Variants in LGI2 observed in about 807,000 individuals in gnomAD.
LGI2 encodes leucine rich repeat LGI family member 2.
A neutral mutation model predicts 52.0 loss-of-function variants in LGI2; 30 were observed. The ratio of observed to expected loss-of-function variants is 0.58; its 90% confidence interval spans 0.43 to 0.78. LGI2 has a LOEUF of 0.78. Among genes scored for constraint, LGI2 ranks in the 30% least tolerant of loss-of-function variants. The pLI is 0.00. For missense variants in LGI2, 573 were observed against 692.5 expected, an observed-to-expected ratio of 0.83 and a Z score of 1.94; for synonymous variants, 270 against 271.8, an observed-to-expected ratio of 0.99 and a Z score of 0.06.
At position 25,017,450 on chromosome 4, in the gene LGI2, G is replaced by C. The variant is rs138593636; in HGVS notation, c.655+539C>G. On this transcript the variant is annotated intron_variant, in intron 6 of 7. Coordinates refer to ENST00000382114, the MANE Select transcript of LGI2 (RefSeq NM_018176.4). ...TCAGCTGCTCAGGAGGCTGAGGCAG[G>C]AGAATCGCTTGAACCCAGGAGGTGG... 2.0e-5 allele frequency among the ~76,000 whole-genome samples: 3 copies of C among 148,478 alleles called. No individual in the cohort carries two copies. The Admixed American group carries it at 2.1e-4, about 10-fold the overall frequency.
Position 25,024,909 on chromosome 4 carries a change from A to G in LGI2, c.342-18T>C, listed in dbSNP as rs1560294858. The G allele has an allele frequency of 1.3e-6, 2 of 1,544,292 alleles. No homozygotes were observed. On this transcript the variant is annotated intron_variant, in intron 3 of 7. Transcript: ENST00000382114. ...CAATGAACCTAAGAGGAAAAGTTGT[A>G]TAATTAAAATGAATTTTCTCTCCTT...
At chr4:25,030,405 G>T in intron 1 of LGI2, 92 bp downstream of exon 1, 3 of 1,389,734 alleles carry the variant, frequency 2.2e-6, no homozygotes, top group Non-Finnish European at 3.0e-6. Flanking sequence ...GTGGGTCAGG[G>T]TCGCGCTGGC....
At position 25,004,080 on chromosome 4, in the gene LGI2, C is replaced by T. The variant is rs758145025; in HGVS notation, c.1009G>A (p.Glu337Lys). 5.0e-6 allele frequency: 8 copies of T among 1,614,026 alleles called. No individual in the cohort carries two copies. The highest frequency in any genetic ancestry group is 1.7e-5 in the Admixed American group (1 of 60,002). Residue 337 changes from glutamate (E) to lysine (K), a missense_variant, in exon 8 of 8, where the codon GAG (glutamate) becomes AAG (lysine). By Grantham distance (56) the Glu-to-Lys change is moderately conservative. Transcript: ENST00000382114. The surrounding 1 kb of genome is among the most constrained non-coding windows in gnomAD (Gnocchi z 4.6). ...NDIELFQIDD[E>K]TFFVIADSSK... is the part of the protein sequence containing the mutation. ...CTGTCTGCGATGACAAAGAACGTCTCGTCGTCGATCTGAAACAGCTCGATG... is the reference window on the plus strand; with the variant it reads ...CTGTCTGCGATGACAAAGAACGTCTTGTCGTCGATCTGAAACAGCTCGATG...
Position 24,999,960 on chromosome 4 carries a change from A to G in LGI2, c.*3491T>C, listed in dbSNP as rs1014348953. ...GTGTCTCAACCTCAACATCCTCCCC[A>G]TAGCTATGCAGGGGGAGAAACAACC... On this transcript the variant is annotated 3_prime_UTR_variant, in exon 8 of 8. Coordinates refer to ENST00000382114, the MANE Select transcript of LGI2 (RefSeq NM_018176.4). The G allele has an allele frequency of 5.0e-5, 21 of 422,072 alleles. No homozygotes were observed. The highest frequency in any genetic ancestry group is 9.2e-5 in the Non-Finnish European group (19 of 206,880). The allele number at this position is 422,072 out of a possible 1,614,324, so 26.1% of individuals were successfully genotyped here. A position where few individuals can be genotyped will look rare whatever the true frequency, so the allele number is the denominator to read the frequency against.
chr4:25,005,360 T>C (rs1725365140), intron 7 of LGI2, among the ~76,000 whole-genome samples: 1 of 152,112 alleles, frequency 6.6e-6, no homozygotes, highest in Non-Finnish European at 1.5e-5. Flanking sequence ...AATGGCTGAG[T>C]GAGGTCTTCA....
rs1167410070 is a variant in LGI2, at chr4:25,001,663, A to G, written c.*1788T>C. 3 of 152,104 alleles carry G rather than the reference A, an allele frequency of 2.0e-5. No individual in the cohort carries two copies. The highest frequency in any genetic ancestry group is 4.4e-5 in the Non-Finnish European group (3 of 68,032). The allele number at this position is 152,104 out of a possible 1,614,324, so 9.4% of individuals were successfully genotyped here. A position where few individuals can be genotyped will look rare whatever the true frequency, so the allele number is the denominator to read the frequency against. On this transcript the variant is annotated 3_prime_UTR_variant, in exon 8 of 8. Transcript: ENST00000382114. ...TGCAGAAGTTTCAAGTAACAACACT[A>G]CTATGCGTGGGTGAGTTCGTTCATT...
rs1267859350 is a variant in LGI2, at chr4:25,002,465, C to CA, written c.*985dup. ...CCAGAGGGCAAGGACACGCACAAAT[C>CA]AAAGGGCCACCTCTAGGTTTCAAAG... On this transcript the variant is annotated 3_prime_UTR_variant, in exon 8 of 8. Transcript: ENST00000382114. 1 of 152,662 alleles carries CA rather than the reference C, an allele frequency of 6.6e-6. No individual in the cohort carries two copies. The highest frequency in any genetic ancestry group is 1.5e-5 in the Non-Finnish European group (1 of 68,060). The allele number at this position is 152,662 out of a possible 1,614,324, so 9.5% of individuals were successfully genotyped here.
chr4:25,009,247 T>G (rs559565658), intron 7 of LGI2, among the ~76,000 whole-genome samples: 3 of 152,370 alleles, frequency 2.0e-5, no homozygotes, highest in African/African-American at 7.2e-5. Context: ...CTGGCTCATT[T>G]GGCTCATGCC....
chr4:25,003,388 T>G lies in LGI2; in HGVS notation c.*63A>C. On this transcript the variant is annotated 3_prime_UTR_variant, in exon 8 of 8. Coordinates refer to ENST00000382114, the MANE Select transcript of LGI2 (RefSeq NM_018176.4). ...GCCTGGCTTTGATTTGTTTGTTGATTTTTCTTGGTCCTCTTTTGTGAGAGC... is the reference window on the plus strand; with the variant it reads ...GCCTGGCTTTGATTTGTTTGTTGATGTTTCTTGGTCCTCTTTTGTGAGAGC... 1 of 1,188,510 alleles carries G rather than the reference T, an allele frequency of 8.4e-7. No homozygotes were observed. The highest frequency in any genetic ancestry group is 1.2e-6 in the Non-Finnish European group (1 of 848,266). The allele number at this position is 1,188,510 out of a possible 1,614,324, so 73.6% of individuals were successfully genotyped here.
intron 7 of LGI2, among the ~76,000 whole-genome samples, chr4:25,009,495 C>G (rs1046446770): frequency 2.6e-5 from 4 of 152,164 alleles, no homozygotes; most frequent in African/African-American, 7.2e-5. Flanking sequence ...CACTTTATTT[C>G]CCCTCCTTAG....
intron 4 of LGI2, among the ~76,000 whole-genome samples, chr4:25,022,503 A>G (rs1200460345): frequency 6.6e-6 from 1 of 152,142 alleles, no homozygotes; most frequent in African/African-American, 2.4e-5. Context: ...GTTCTTCTCT[A>G]ACGCATTCCA....
intron 4 of LGI2, among the ~76,000 whole-genome samples, chr4:25,022,329 T>A (rs1451271686): frequency 6.6e-6 from 1 of 151,924 alleles, no homozygotes; most frequent in Admixed American, 6.6e-5. Context: ...AGAAACAGCA[T>A]CCCGGGCAAG....
In LGI2 at chr4:24,999,601, C is replaced by T. The variant is rs1470565930; in HGVS notation, c.*3850G>A. 3.2e-6 allele frequency: 1 copy of T among 310,204 alleles called. No individual in the cohort carries two copies. Among genetic ancestry groups the T allele is most frequent in the Non-Finnish European group, 6.3e-6 (1 of 158,398 alleles). The allele number at this position is 310,204 out of a possible 1,614,324, so 19.2% of individuals were successfully genotyped here. Reference sequence around the variant, plus strand: ...ATACCTCTGCAGAAGAATCAGGAAGCCAGCTTAAGAGGTTTTCTTTAGGTG... The same window carrying T: ...ATACCTCTGCAGAAGAATCAGGAAGTCAGCTTAAGAGGTTTTCTTTAGGTG... On this transcript the variant is annotated 3_prime_UTR_variant, in exon 8 of 8. Transcript: ENST00000382114.
At chr4:25,021,794 G>T (rs1412530055) in intron 4 of LGI2, among the ~76,000 whole-genome samples, 1 of 152,050 alleles carries the variant, frequency 6.6e-6, no homozygotes, top group East Asian at 1.9e-4. Context: ...AGCCAGGCAT[G>T]GTGGCACACG....
chr4:25,004,018 G>T lies in LGI2; in HGVS notation c.1071C>A (p.Asn357Lys). The T allele has an allele frequency of 6.2e-7, 1 of 1,614,166 alleles. No homozygotes were observed. Among genetic ancestry groups the T allele is most frequent in the African/African-American group, 1.3e-5 (1 of 75,036 alleles). ...KAGLSTVYKW[N>K]SKGFYSYQSL... The stretch of plus-strand genomic sequence containing the variant: ...ACTGGTAAGAATAGAATCCTTTGCT[G>T]TTCCATTTATAAACTGTGGACAGAC... Residue 357 changes from asparagine to lysine, a missense_variant, in exon 8 of 8, where the codon AAC becomes AAA. Asn to Lys is a moderately conservative substitution (Grantham distance 94). Coordinates refer to ENST00000382114, the MANE Select transcript of LGI2 (RefSeq NM_018176.4). This position sits in a 1 kb window ranked among gnomAD's most constrained non-coding sequence, Gnocchi z 4.6.
chr4:25,018,860 TAAA>T (rs376229902), intron 5 of LGI2, among the ~76,000 whole-genome samples: 1 of 140,220 alleles, frequency 7.1e-6, no homozygotes, highest in African/African-American at 2.6e-5. Context: ...AGACTACATC[TAAA>T]AAAAAAAAAA....
downstream of LGI2, among the ~76,000 whole-genome samples, chr4:24,997,131 C>T (rs962719133): frequency 6.6e-6 from 1 of 152,192 alleles, no homozygotes; most frequent in Non-Finnish European, 1.5e-5. Flanking sequence ...GAAAAAAAAT[C>T]ATTTGTGCCA....
intron 1 of LGI2, 24 bp from the exon 2 acceptor site, chr4:25,028,602 G>A (rs750372445): frequency 5.0e-6 from 8 of 1,601,036 alleles, no homozygotes; most frequent in Non-Finnish European, 6.8e-6. Context: ...ATGAACAAAA[G>A]TAGGCCTAGG....
intron 3 of LGI2, 62 bp downstream of exon 3, chr4:25,026,806 C>T: frequency 1.5e-6 from 2 of 1,328,662 alleles, no homozygotes; most frequent in South Asian, 2.3e-5. Context: ...AGCACAGAAA[C>T]CAATCCAGAA....
Sources: gnomAD v4.1 joint callset for allele counts (sites outside exome capture counted in the v4.1 genomes callset) on GRCh38, gnomAD v4.1.1 for gene constraint, Gnocchi (gnomAD v3.1) non-coding constraint, MANE v1.5 for transcripts, NCBI Gene and HGNC (gene_info 2026-07-23, HGNC 2026-07-21) for gene names.